Variants in GHITM observed in about 807,000 individuals in gnomAD.
The protein encoded by GHITM is growth hormone inducible transmembrane protein, also known as growth hormone-inducible transmembrane protein.
In GHITM, 24 loss-of-function variants were observed where a neutral mutation model predicts 38.7. That is an observed-to-expected ratio of 0.62 (90% CI 0.45 to 0.87). GHITM has a LOEUF of 0.87. GHITM is among the 40% of genes least tolerant of loss of function. The pLI, the probability that GHITM is intolerant of heterozygous loss-of-function variation, is 0.00. For synonymous variants in GHITM, 154 were observed against 147.8 expected (o/e 1.04, Z -0.30); for missense variants, 420 against 429.8 (o/e 0.98, Z 0.20).
At chr10:84,140,291 G>A (rs80126868) in intron 1 of GHITM, 2 of 152,182 alleles carry the variant, frequency 1.3e-5, no homozygotes, top group African/African-American at 4.8e-5. Context: ...CAAAGGCCGG[G>A]TGCCGAATTT....
Position 84,150,826 on chromosome 10 carries a change from A to G in GHITM, c.899A>G (p.Lys300Arg), listed in dbSNP as rs371764167. The change falls in exon 8 of 9, where the codon AAG (lysine) becomes AGG (arginine). Residue 300 changes from lysine (K) to arginine (R), a missense_variant. Lys to Arg is a conservative substitution (Grantham distance 26, BLOSUM62 2). Transcript: ENST00000372134. ...FLLYDTQKVI[K>R]RAEVSPMYGV... The stretch of plus-strand genomic sequence containing the variant: ...CTGTATGATACCCAGAAAGTAATCA[A>G]GCGTGCAGAAGTATCACCAATGTAT... 327 of 1,611,690 alleles carry G rather than the reference A, an allele frequency of 2.0e-4. No homozygotes were observed. The highest frequency in any genetic ancestry group is 2.7e-4 in the Non-Finnish European group (320 of 1,178,174).
chr10:84,152,243 G>C, intron 8 of GHITM, 21 bp from the exon 9 acceptor site: 1 of 1,111,622 alleles, frequency 9.0e-7, no homozygotes, highest in Non-Finnish European at 1.4e-6. Flanking sequence ...CATATATAAT[G>C]GGCATAATTT....
intron 7 of GHITM, 44 bp downstream of exon 7, chr10:84,150,287 C>A (rs1275503595): frequency 7.2e-7 from 1 of 1,393,828 alleles, no homozygotes; most frequent in Admixed American, 2.2e-5. Context: ...TGCATAGTTT[C>A]CTGTAACCTG....
chr10:84,149,947 CAT>C (rs1440438571), intron 6 of GHITM, 106 bp from the exon 7 acceptor site: 18 of 875,246 alleles, frequency 2.1e-5, no homozygotes, highest in Non-Finnish European at 2.9e-5. Context: ...CTTTTTGAAT[CAT>C]AGTGCTTAAA....
intron 1 of GHITM, 110 bp from the exon 2 acceptor site, chr10:84,141,352 A>G (rs758233651): frequency 1.9e-5 from 12 of 618,764 alleles, no homozygotes; most frequent in Non-Finnish European, 3.1e-5. Flanking sequence ...CTGTTCTACT[A>G]AAAAATAGTT....
At chr10:84,151,064 C>T (rs1841607582) in intron 8 of GHITM, among the ~76,000 whole-genome samples, 184 bp downstream of exon 8, 1 of 152,164 alleles carries the variant, frequency 6.6e-6, no homozygotes, top group African/African-American at 2.4e-5. Flanking sequence ...AATCTAAAAT[C>T]AAGGTGTTAG....
chr10:84,149,749 T>G (rs1322791585), intron 6 of GHITM, among the ~76,000 whole-genome samples: 2 of 152,228 alleles, frequency 1.3e-5, no homozygotes, highest in Non-Finnish European at 2.9e-5. Flanking sequence ...ATATGAATGT[T>G]GTAGAAACTA....
At position 84,141,792 on chromosome 10, in the gene GHITM, C is replaced by G. The variant is rs1209146063; in HGVS notation, c.129+163C>G. On this transcript the variant is annotated intron_variant, in intron 2 of 8. Transcript: ENST00000372134. ...CCATTAGTTTGTATCATTCTGGTCC[C>G]TCCTTATCCCATATGAAATAGAAAA... 2.0e-5 allele frequency among the ~76,000 whole-genome samples: 3 copies of G among 152,194 alleles called. No individual in the cohort carries two copies. In the East Asian group the frequency reaches 5.8e-4, roughly 29 times the overall value.
rs926686533 is a variant in GHITM, at chr10:84,145,017, G to T, written c.483+1G>T. On this transcript the variant is annotated splice_donor_variant, in intron 5 of 8. Coordinates refer to ENST00000372134, the MANE Select transcript of GHITM (RefSeq NM_014394.3). LOFTEE classifies it high-confidence loss of function. The stretch of plus-strand genomic sequence containing the variant: ...CTTCATGATGAGAGGCTCTTGGGTG[G>T]TAAGTCAGCTGTTTTTGTTTTCCTT... The T allele has an allele frequency of 1.1e-5, 18 of 1,586,270 alleles. No homozygotes were observed. The highest frequency in any genetic ancestry group is 1.5e-5 in the Non-Finnish European group (17 of 1,165,072).
intron 5 of GHITM, 80 bp downstream of exon 5, chr10:84,145,096 A>G: frequency 1.8e-6 from 2 of 1,099,104 alleles, no homozygotes; most frequent in Non-Finnish European, 2.6e-6. Context: ...AAGGGTTATT[A>G]AATGGAAAGA....
intron 5 of GHITM, among the ~76,000 whole-genome samples, chr10:84,147,755 A>G (rs1185112072): frequency 6.6e-6 from 1 of 152,202 alleles, no homozygotes; most frequent in Non-Finnish European, 1.5e-5. Context: ...ATGTTAATAC[A>G]TTCTTCTTGT....
In GHITM at chr10:84,150,775, G is replaced by T; in HGVS notation, c.848G>T (p.Gly283Val). ...CTTTACTCAGTGGCAATGTACGGTG[G>T]ATTAGTTCTTTTCAGCATGTTCCTT... The part of the protein sequence containing the change: ...ATLYSVAMYG[G>V]LVLFSMFLLY... The change falls in exon 8 of 9, where the codon GGA becomes GTA. Residue 283 changes from glycine (G) to valine (V), a missense_variant. Coordinates refer to ENST00000372134, the MANE Select transcript of GHITM (RefSeq NM_014394.3). 1 of 1,612,866 alleles carries T rather than the reference G, an allele frequency of 6.2e-7. No individual in the cohort carries two copies. The highest frequency in any genetic ancestry group is 1.7e-5 in the Admixed American group (1 of 60,012).
intron 3 of GHITM, 48 bp downstream of exon 3, chr10:84,142,802 T>G (rs1389425025): frequency 1.0e-6 from 1 of 989,040 alleles, no homozygotes; most frequent in Non-Finnish European, 1.6e-6. Flanking sequence ...GGATATGTTT[T>G]AAGAGGTCCA....
At chr10:84,143,793 T>C (rs1361720893) in intron 3 of GHITM, among the ~76,000 whole-genome samples, 1 of 152,210 alleles carries the variant, frequency 6.6e-6, no homozygotes, top group African/African-American at 2.4e-5. Flanking sequence ...GATCCTTTCT[T>C]TTTTGTACTG....
intron 1 of GHITM, among the ~76,000 whole-genome samples, chr10:84,140,824 T>G (rs10887240): frequency 0.26 from 39,185 of 151,918 alleles, 5,931 homozygotes; most frequent in Non-Finnish European, 0.35. Flanking sequence ...GGTAACTGAG[T>G]TTACTTGTTT....
rs1406931862 is a variant in GHITM at position 84,150,061 on chromosome 10, T to G, written c.599T>G (p.Met200Arg). ...GCACTTCCTCTTTCTCCAGGTGTGA[T>G]GGGTGCAGTGGTGGCTCCTCTGACA... ...HLAWLLHSGV[M>R]GAVVAPLTIL... Residue 200 changes from methionine to arginine, a missense_variant, in exon 7 of 9, where the codon ATG (methionine) becomes AGG (arginine). By Grantham distance (91) the Met-to-Arg change is moderately conservative. Coordinates refer to ENST00000372134, the MANE Select transcript of GHITM (RefSeq NM_014394.3). 1 of 1,545,404 alleles carries G rather than the reference T, an allele frequency of 6.5e-7. No homozygotes were observed. The highest frequency in any genetic ancestry group is 8.8e-7 in the Non-Finnish European group (1 of 1,140,798).
At chr10:84,148,942 T>C in intron 6 of GHITM, 104 bp downstream of exon 6, 2 of 703,064 alleles carry the variant, frequency 2.8e-6, no homozygotes, top group Non-Finnish European at 2.6e-6. Flanking sequence ...GCCTCATGTT[T>C]AGAAAACACC....
At chr10:84,142,609 C>G in intron 2 of GHITM, 46 bp from the exon 3 acceptor site, 2 of 1,172,638 alleles carry the variant, frequency 1.7e-6, no homozygotes, top group Non-Finnish European at 2.5e-6. Flanking sequence ...TATTAACGTT[C>G]TGTTTTCATG....
chr10:84,144,308 A>T (rs1050304283), intron 4 of GHITM, among the ~76,000 whole-genome samples: 1 of 152,198 alleles, frequency 6.6e-6, no homozygotes, highest in Non-Finnish European at 1.5e-5. Context: ...TAGCAAGGTT[A>T]TATGTGTTTA....
Sources: allele counts gnomAD v4.1 joint callset (sites outside exome capture counted in the v4.1 genomes callset), GRCh38; gene constraint gnomAD v4.1.1; transcripts MANE v1.5; gene names NCBI Gene and HGNC (gene_info 2026-07-23, HGNC 2026-07-21).